The following ABHD15 variants were observed in gnomAD, a reference collection of about 807,000 sequenced individuals.
ABHD15 encodes the protein protein ABHD15.
In ABHD15, 34 loss-of-function variants were observed where a neutral mutation model predicts 34.4. The ratio of observed to expected loss-of-function variants is 0.99; its 90% confidence interval spans 0.75 to 1.32. The LOEUF is 1.32. Among genes scored for constraint, ABHD15 ranks in the 40% most tolerant of loss-of-function variants. The probability of loss-of-function intolerance (pLI) is 0.00; values close to 1 mark genes in which losing one functional copy is unlikely to be tolerated. For synonymous variants in ABHD15, 314 were observed against 299.2 expected, an observed-to-expected ratio of 1.05 and a Z score of -0.51; for missense variants, 644 against 650.4, an observed-to-expected ratio of 0.99 and a Z score of 0.11.
Position 29,566,111 on chromosome 17 carries a change from G to C in ABHD15, c.856C>G (p.Leu286Val). 6.5e-7 allele frequency: 1 copy of C among 1,547,208 alleles called. No homozygotes were observed. The highest frequency in any genetic ancestry group is 1.2e-5 in the South Asian group (1 of 82,488). The change falls in exon 1 of 2, where the codon CTC becomes GTC. Residue 286 changes from leucine (L) to valine (V), a missense_variant. Transcript: ENST00000307201. ...LPWPYERGFLLHQKIALSRYA... is the reference protein window; with the variant it reads ...LPWPYERGFLVHQKIALSRYA... The stretch of plus-strand genomic sequence containing the variant: ...CTGCTGAGGGCGATCTTCTGGTGGA[G>C]CAGAAAGCCCCGCTCGTAGGGCCAG...
Position 29,566,262 on chromosome 17 carries a change from G to T in ABHD15, c.705C>A (p.Ser235Arg). 6.2e-7 allele frequency: 1 copy of T among 1,610,712 alleles called. No individual in the cohort carries two copies. ...RHPAAPLFAV[S>R]EGSGSALLLS... ...GGAGCAGCGCCGAGCCCGAGCCTTC[G>T]CTCACCGCGAACAGCGGCGCCGCCG... Residue 235 changes from serine (S) to arginine (R), a missense_variant, in exon 1 of 2, where the codon AGC becomes AGA. Coordinates refer to ENST00000307201, the MANE Select transcript of ABHD15 (RefSeq NM_198147.3).
Position 29,566,088 on chromosome 17 carries a change from G to A in ABHD15, c.879C>T (p.Ser293=). The change falls in exon 1 of 2, where the codon AGC becomes AGT. Residue 293 remains serine, a splice_region_variant and synonymous_variant. Coordinates refer to ENST00000307201, the MANE Select transcript of ABHD15 (RefSeq NM_198147.3). Reference sequence around the variant, plus strand: ...GGTCTGCGGCCTCCGTTACCCACCTGCTGAGGGCGATCTTCTGGTGGAGCA... The same window carrying A: ...GGTCTGCGGCCTCCGTTACCCACCTACTGAGGGCGATCTTCTGGTGGAGCA... ...GFLLHQKIAL[S]RYATALEDTV... 1 of 1,533,826 alleles carries A rather than the reference G, an allele frequency of 6.5e-7. No individual in the cohort carries two copies.
At position 29,563,063 on chromosome 17, in the gene ABHD15, G is replaced by A. The variant is rs1174292198; in HGVS notation, c.905C>T (p.Thr302Ile). 1.9e-6 allele frequency: 3 copies of A among 1,607,748 alleles called. No homozygotes were observed. Among genetic ancestry groups the A allele is most frequent in the South Asian group, 1.1e-5 (1 of 91,044 alleles). The change falls in exon 2 of 2, where the codon ACT becomes ATT. Residue 302 changes from threonine (T) to isoleucine (I), a missense_variant. By Grantham distance (89) the Thr-to-Ile change is moderately conservative. Transcript: ENST00000307201. ...LSRYATALED[T>I]VDTSRLFRSR... The stretch of plus-strand genomic sequence containing the variant: ...CCTGAACAGTCTGCTGGTGTCCACA[G>A]TGTCCTCCAGGGCTGTGGCATACCT...
At position 29,566,680 on chromosome 17, in the gene ABHD15, C is replaced by G; in HGVS notation, c.287G>C (p.Gly96Ala). ...GGGCCCGGAGAACCAGGAGCGCGGG[C>G]CGGCCTCCAGCGCCTCTGAGCGCCG... The part of the protein sequence containing the change: ...ALRRSEALEA[G>A]PRSWFSGPHL... Residue 96 changes from glycine to alanine, a missense_variant, in exon 1 of 2, where the codon GGC becomes GCC. By Grantham distance (60) the Gly-to-Ala change is moderately conservative (BLOSUM62 0). Transcript: ENST00000307201. 2 of 1,594,506 alleles carry G rather than the reference C, an allele frequency of 1.3e-6. No individual in the cohort carries two copies. The highest frequency in any genetic ancestry group is 1.7e-6 in the Non-Finnish European group (2 of 1,175,742).
chr17:29,563,678 G>A (rs754074523), intron 1 of ABHD15, among the ~76,000 whole-genome samples: 23 of 152,018 alleles, frequency 1.5e-4, no homozygotes, highest in Non-Finnish European at 2.8e-4. Flanking sequence ...TGGCCAACAC[G>A]GTGAAACCCC....
At position 29,562,599 on chromosome 17, in the gene ABHD15, C is replaced by T. The variant is rs776511533; in HGVS notation, c.1369G>A (p.Glu457Lys). The change falls in exon 2 of 2, where the codon GAG becomes AAG. Residue 457 changes from glutamate to lysine, a missense_variant. Transcript: ENST00000307201. Reference sequence around the variant, plus strand: ...GATCGCTTCCAGTTAAAGATCTCCTCCAGGTTGGAAGAGGAAGAGACTTCC... The same window carrying T: ...GATCGCTTCCAGTTAAAGATCTCCTTCAGGTTGGAAGAGGAAGAGACTTCC... The part of the protein sequence containing the change: ...RREVSSSSNL[E>K]EIFNWKRSYT... 8 of 1,613,932 alleles carry T rather than the reference C, an allele frequency of 5.0e-6. No homozygotes were observed. In the Admixed American group the frequency reaches 1.2e-4, roughly 24 times the overall value.
intron 1 of ABHD15, 65 bp downstream of exon 1, chr17:29,566,021 T>G: frequency 6.7e-7 from 1 of 1,500,720 alleles, no homozygotes; most frequent in Non-Finnish European, 8.9e-7. Context: ...CATAGCTGTT[T>G]CTGATTCTTA....
rs1436168148 is a variant in ABHD15, at chr17:29,566,257, C to A, written c.710G>T (p.Gly237Val). 6.2e-7 allele frequency: 1 copy of A among 1,610,638 alleles called. No individual in the cohort carries two copies. The highest frequency in any genetic ancestry group is 1.1e-5 in the South Asian group (1 of 90,930). Reference protein sequence around the residue: ...PAAPLFAVSEGSGSALLLSYL... With the variant: ...PAAPLFAVSEVSGSALLLSYL... ...GGACAGGAGCAGCGCCGAGCCCGAG[C>A]CTTCGCTCACCGCGAACAGCGGCGC... Residue 237 changes from glycine (G) to valine (V), a missense_variant, in exon 1 of 2, where the codon GGC becomes GTC. Gly to Val is a moderately radical substitution (Grantham distance 109). Coordinates refer to ENST00000307201, the MANE Select transcript of ABHD15 (RefSeq NM_198147.3).
Position 29,562,663 on chromosome 17 carries a change from G to A in ABHD15, c.1305C>T (p.Phe435=), listed in dbSNP as rs752691493. ...IKGLSRHRAS[F]LGGRRRGGAL... ...CTCCCCCACGACGACGGCCCCCAAG[G>A]AAGGAAGCTCTGTGCCTGCTCAGCC... The change falls in exon 2 of 2, where the codon TTC becomes TTT. Residue 435 remains phenylalanine (F), a synonymous_variant. Transcript: ENST00000307201. The A allele has an allele frequency of 1.2e-6, 2 of 1,614,140 alleles. No homozygotes were observed. Among genetic ancestry groups the A allele is most frequent in the Non-Finnish European group, 1.7e-6 (2 of 1,180,022 alleles).
chr17:29,564,445 A>T (rs2032672686), intron 1 of ABHD15, among the ~76,000 whole-genome samples: 1 of 152,172 alleles, frequency 6.6e-6, no homozygotes, highest in Non-Finnish European at 1.5e-5. Flanking sequence ...GGTAACAGGG[A>T]ACATCTTTGC....
chr17:29,563,430 C>T (rs571881176), intron 1 of ABHD15, among the ~76,000 whole-genome samples: 74 of 151,496 alleles, frequency 4.9e-4, no homozygotes, highest in African/African-American at 1.7e-3. Flanking sequence ...GGCTCAGTCC[C>T]AGCTATTCAG....
rs377023342 is a variant in ABHD15 at position 29,566,511 on chromosome 17, G to A, written c.456C>T (p.Ser152=). The A allele has an allele frequency of 1.9e-6, 3 of 1,610,602 alleles. No individual in the cohort carries two copies. Among genetic ancestry groups the A allele is most frequent in the Non-Finnish European group, 2.5e-6 (3 of 1,179,574 alleles). ...GPCVRGRRIT[S]AGGLPAVLLV... ...GAAGCACCGCAGGAAGGCCCCCGGCGCTGGTGATCCGGCGGCCCCGAACAC... is the reference window on the plus strand; with the variant it reads ...GAAGCACCGCAGGAAGGCCCCCGGCACTGGTGATCCGGCGGCCCCGAACAC... Residue 152 remains serine, a synonymous_variant, in exon 1 of 2, where the codon AGC becomes AGT. Coordinates refer to ENST00000307201, the MANE Select transcript of ABHD15 (RefSeq NM_198147.3).
Position 29,566,814 on chromosome 17 carries a change from G to A in ABHD15, c.153C>T (p.Asp51=), listed in dbSNP as rs1256115078. The A allele has an allele frequency of 1.3e-6, 2 of 1,514,458 alleles. No individual in the cohort carries two copies. The highest frequency in any genetic ancestry group is 2.6e-5 in the East Asian group (1 of 38,064). 93.8% of individuals were successfully genotyped at this position (1,514,458 alleles called of 1,614,324 possible). A position where few individuals can be genotyped will look rare whatever the true frequency, so the allele number is the denominator to read the frequency against. Reference sequence around the variant, plus strand: ...TGAACTGGTCCGCCGGGCCTCCGCCGTCCGCCTCCTCCCCGTCGTCTCGGT... The same window carrying A: ...TGAACTGGTCCGCCGGGCCTCCGCCATCCGCCTCCTCCCCGTCGTCTCGGT... ...AQDRDDGEEA[D]GGGPADQFSD... The change falls in exon 1 of 2, where the codon GAC becomes GAT. Residue 51 remains aspartate, a synonymous_variant. Coordinates refer to ENST00000307201, the MANE Select transcript of ABHD15 (RefSeq NM_198147.3).
intron 1 of ABHD15, 31 bp from the exon 2 acceptor site, chr17:29,563,117 G>T (rs774642926): frequency 6.4e-7 from 1 of 1,571,732 alleles, no homozygotes; most frequent in South Asian, 1.2e-5. Context: ...GGGGAAGGTG[G>T]GAAAGAGAGG....
chr17:29,562,546 C>CT lies in ABHD15; in HGVS notation c.*14dup. 1 of 1,603,808 alleles carries CT rather than the reference C, an allele frequency of 6.2e-7. No individual in the cohort carries two copies. The highest frequency in any genetic ancestry group is 8.5e-7 in the Non-Finnish European group (1 of 1,173,790). On this transcript the variant is annotated 3_prime_UTR_variant, in exon 2 of 2. Transcript: ENST00000307201. ...TTTTTCTTTGCAGGACTTGGGGGTTCTCAGGCCAGGTCTTTCACCTTGTGT... is the reference window on the plus strand; with the variant it reads ...TTTTTCTTTGCAGGACTTGGGGGTTCTTCAGGCCAGGTCTTTCACCTTGTGT...
At position 29,562,129 on chromosome 17, in the gene ABHD15, A is replaced by G. The variant is rs11867220; in HGVS notation, c.*432T>C. 3.2e-3 allele frequency: 502 copies of G among 156,908 alleles called. 3 individuals are homozygous for G. The highest frequency in any genetic ancestry group is 0.012 in the African/African-American group (483 of 41,646). 9.7% of individuals were successfully genotyped at this position (156,908 alleles called of 1,614,324 possible). A position where few individuals can be genotyped will look rare whatever the true frequency, so the allele number is the denominator to read the frequency against. ...AGGGAAGTGGGGCCGAGACACAAACATCCTGTCCTCATGACATCAAATGGC... is the reference window on the plus strand; with the variant it reads ...AGGGAAGTGGGGCCGAGACACAAACGTCCTGTCCTCATGACATCAAATGGC... On this transcript the variant is annotated 3_prime_UTR_variant, in exon 2 of 2. Coordinates refer to ENST00000307201, the MANE Select transcript of ABHD15 (RefSeq NM_198147.3).
In ABHD15 at chr17:29,567,009, G is replaced by T; in HGVS notation, c.-43C>A. On this transcript the variant is annotated 5_prime_UTR_variant, in exon 1 of 2. Transcript: ENST00000307201. This position sits in a 1 kb window ranked among gnomAD's most constrained non-coding sequence, Gnocchi z 6.6. ...CCGGCGGGCAGCGGGCGGCGGGGCCGTCTACTCGGCGAGCTCCGCGCTTTG... is the reference window on the plus strand; with the variant it reads ...CCGGCGGGCAGCGGGCGGCGGGGCCTTCTACTCGGCGAGCTCCGCGCTTTG... 7.9e-7 allele frequency: 1 copy of T among 1,266,456 alleles called. No homozygotes were observed. Among genetic ancestry groups the T allele is most frequent in the Non-Finnish European group, 9.9e-7 (1 of 1,009,968 alleles). 78.5% of individuals were successfully genotyped at this position (1,266,456 alleles called of 1,614,324 possible). A position where few individuals can be genotyped will look rare whatever the true frequency, so the allele number is the denominator to read the frequency against.
rs779551492 is a variant in ABHD15 at position 29,566,871 on chromosome 17, G to A, written c.96C>T (p.Ala32=). ...GPRLRGPWGR[A]VGERTLPGAQ... ...CCCCCGGCAGGGTCCTCTCTCCGAC[G>A]GCGCGCCCCCAGGGTCCCCGGAGCC... The change falls in exon 1 of 2, where the codon GCC becomes GCT. Residue 32 remains alanine (A), a synonymous_variant. Transcript: ENST00000307201. 9 of 1,504,024 alleles carry A rather than the reference G, an allele frequency of 6.0e-6. No homozygotes were observed. Among genetic ancestry groups the A allele is most frequent in the South Asian group, 5.0e-5 (4 of 80,744 alleles). 93.2% of individuals were successfully genotyped at this position (1,504,024 alleles called of 1,614,324 possible).
Position 29,567,016 on chromosome 17 carries a change from C to T in ABHD15, c.-50G>A. On this transcript the variant is annotated 5_prime_UTR_variant, in exon 1 of 2. Transcript: ENST00000307201. The surrounding 1 kb of genome is among the most constrained non-coding windows in gnomAD (Gnocchi z 6.6). The stretch of plus-strand genomic sequence containing the variant: ...GCAGCGGGCGGCGGGGCCGTCTACT[C>T]GGCGAGCTCCGCGCTTTGCCCGCGG... 5.6e-6 allele frequency: 7 copies of T among 1,247,064 alleles called. No individual in the cohort carries two copies. Among genetic ancestry groups the T allele is most frequent in the Non-Finnish European group, 7.0e-6 (7 of 998,380 alleles). 77.2% of individuals were successfully genotyped at this position (1,247,064 alleles called of 1,614,324 possible).
Sources: gnomAD v4.1 joint callset for allele counts (sites outside exome capture counted in the v4.1 genomes callset) on GRCh38, gnomAD v4.1.1 for gene constraint, Gnocchi (gnomAD v3.1) non-coding constraint, MANE v1.5 for transcripts, NCBI Gene and HGNC (gene_info 2026-07-23, HGNC 2026-07-21) for gene names.